Variants in TLE3 observed in about 807,000 individuals in gnomAD.
TLE3 encodes the protein TLE family member 3, transcriptional corepressor, also known as transducin-like enhancer protein 3.
In TLE3, 14 loss-of-function variants were observed where a neutral mutation model predicts 93.0. The ratio of observed to expected loss-of-function variants is 0.15; its 90% CI spans 0.10 to 0.24. The LOEUF is 0.24. Ranked by LOEUF, TLE3 falls within the 10% of genes least tolerant of loss-of-function variation. The pLI, the probability that TLE3 is intolerant of heterozygous loss-of-function variation, is 1.00. For missense variants in TLE3, 693 were observed against 1,046.6 expected (o/e 0.66, Z 4.66); for synonymous variants, 451 against 425.0 (o/e 1.06, Z -0.75).
intron 4 of TLE3, among the ~76,000 whole-genome samples, chr15:70,089,051 G>A (rs2058175183): frequency 6.6e-6 from 1 of 152,234 alleles, no homozygotes; most frequent in Admixed American, 6.5e-5. Context: ...CCCAAGTGCA[G>A]TCCCCGCCCC....
chr15:70,055,822 G>C (rs1211872044), intron 14 of TLE3: 1 of 234,390 alleles, frequency 4.3e-6, no homozygotes, highest in African/African-American at 2.3e-5. Context: ...GCAGTGTCTC[G>C]GCATTATCTG....
chr15:70,069,518 G>GA (rs1404726634), intron 6 of TLE3, among the ~76,000 whole-genome samples: 36 of 152,208 alleles, frequency 2.4e-4, no homozygotes, highest in Non-Finnish European at 5.1e-4. Flanking sequence ...AAGAGAAAAG[G>GA]AATCTCCCAT....
chr15:70,054,302 G>A, intron 16 of TLE3, 136 bp downstream of exon 16: 1 of 1,296,812 alleles, frequency 7.7e-7, no homozygotes, highest in Non-Finnish European at 1.1e-6. Context: ...CTTTTCACCT[G>A]TGCATCCCTC....
At chr15:70,063,768 C>T (rs2056646138) in intron 8 of TLE3, among the ~76,000 whole-genome samples, 2 of 152,222 alleles carry the variant, frequency 1.3e-5, no homozygotes, top group Non-Finnish European at 2.9e-5. Flanking sequence ...TCAGTGTGAT[C>T]AGAAAGATTT....
intron 12 of TLE3, 48 bp from the exon 13 acceptor site, chr15:70,057,706 A>C (rs1227019012): frequency 6.5e-7 from 1 of 1,533,814 alleles, no homozygotes. Context: ...GGATTGGGAC[A>C]TGGCCATGGC....
intron 7 of TLE3, among the ~76,000 whole-genome samples, chr15:70,064,926 A>G (rs2056722691): frequency 6.7e-6 from 1 of 149,758 alleles, no homozygotes; most frequent in Admixed American, 6.6e-5. Flanking sequence ...AAAAAAAAGG[A>G]ATTTAACAGT....
intron 3 of TLE3, chr15:70,095,253 A>C (rs1596041542): frequency 8.2e-7 from 1 of 1,220,916 alleles, no homozygotes. Flanking sequence ...GTCCAATCCT[A>C]TCTTACTAGC....
chr15:70,049,912 A>G lies in TLE3; in HGVS notation c.*185T>C. 1.7e-6 allele frequency: 1 copy of G among 578,010 alleles called. No individual in the cohort carries two copies. The highest frequency in any genetic ancestry group is 2.0e-5 in the South Asian group (1 of 49,902). 35.8% of individuals were successfully genotyped at this position (578,010 alleles called of 1,614,324 possible). The stretch of plus-strand genomic sequence containing the variant: ...CCTTCCGAGTCTGTGAGACACATCA[A>G]TCCAGGCCCAGGAGTCCAGACTGTG... On this transcript the variant is annotated 3_prime_UTR_variant, in exon 20 of 20. Coordinates refer to ENST00000451782, the MANE Select transcript of TLE3 (RefSeq NM_001105192.3).
intron 4 of TLE3, among the ~76,000 whole-genome samples, chr15:70,084,278 A>T (rs2057936777): frequency 6.6e-6 from 1 of 152,256 alleles, no homozygotes; most frequent in Admixed American, 6.5e-5. Context: ...GATTCTGGCA[A>T]TGTCTAGAGA....
chr15:70,064,390 C>T (rs2056683834), intron 8 of TLE3, 64 bp downstream of exon 8: 13 of 1,600,708 alleles, frequency 8.1e-6, no homozygotes, highest in Non-Finnish European at 1.1e-5. Flanking sequence ...ATTCTGGGAG[C>T]CCCGAGTCCC....
At chr15:70,052,577 G>T (rs112866987) in intron 17 of TLE3, 53 bp from the exon 18 acceptor site, 4 of 1,566,924 alleles carry the variant, frequency 2.6e-6, no homozygotes, top group African/African-American at 1.3e-5. Context: ...CTGCCCTCAA[G>T]AGGAGGGCGG....
intron 4 of TLE3, among the ~76,000 whole-genome samples, chr15:70,080,498 C>T (rs1024611266): frequency 2.0e-5 from 3 of 152,104 alleles, no homozygotes; most frequent in African/African-American, 7.2e-5. Context: ...CTGCTACATC[C>T]GGAATCTGCA....
intron 12 of TLE3, 185 bp from the exon 13 acceptor site, chr15:70,057,843 C>T (rs1432857561): frequency 6.5e-6 from 5 of 774,794 alleles, no homozygotes; most frequent in African/African-American, 5.3e-5. Flanking sequence ...TTGGCAGATG[C>T]ACCCACCTCT....
chr15:70,087,729 T>C (rs774232522), intron 4 of TLE3, among the ~76,000 whole-genome samples: 7 of 152,226 alleles, frequency 4.6e-5, no homozygotes, highest in African/African-American at 2.4e-5. Context: ...GATGGGAAGT[T>C]GCTTCTCTCT....
chr15:70,059,593 A>C, intron 9 of TLE3, 133 bp from the exon 10 acceptor site: 1 of 793,716 alleles, frequency 1.3e-6, no homozygotes, highest in Non-Finnish European at 2.0e-6. Flanking sequence ...CATGCTTTCT[A>C]CTCCAGCCCT....
chr15:70,057,475 A>G lies in TLE3; in HGVS notation c.1235T>C (p.Met412Thr), dbSNP rs769618421. Reference sequence around the variant, plus strand: ...TCTACGTACAGCTCCAAAGCTCACCATTGGCGATCGGCCATAGGCAGCGGC... The same window carrying G: ...TCTACGTACAGCTCCAAAGCTCACCGTTGGCGATCGGCCATAGGCAGCGGC... ...AAAAAYGRSPMVSFGAVGFDP... is the reference protein window; with the variant it reads ...AAAAAYGRSPTVSFGAVGFDP... Residue 412 changes from methionine to threonine, a missense_variant, in exon 13 of 20, where the codon ATG becomes ACG. Coordinates refer to ENST00000451782, the MANE Select transcript of TLE3 (RefSeq NM_001105192.3). 5.3e-5 allele frequency: 85 copies of G among 1,605,246 alleles called. No individual in the cohort carries two copies. The highest frequency in any genetic ancestry group is 6.7e-5 in the Non-Finnish European group (79 of 1,176,110).
chr15:70,068,589 G>A (rs1229492287), intron 6 of TLE3, among the ~76,000 whole-genome samples: 1 of 152,228 alleles, frequency 6.6e-6, no homozygotes, highest in Non-Finnish European at 1.5e-5. Context: ...CCTTGAGGAA[G>A]AGACAAAGAA....
intron 1 of TLE3, 151 bp downstream of exon 1, chr15:70,096,624 G>T: frequency 2.6e-6 from 4 of 1,544,834 alleles, no homozygotes; most frequent in Non-Finnish European, 2.6e-6. Flanking sequence ...TCTCAACGGC[G>T]CCCCCCGGCC....
At chr15:70,086,159 T>C (rs2058027909) in intron 4 of TLE3, among the ~76,000 whole-genome samples, 1 of 152,182 alleles carries the variant, frequency 6.6e-6, no homozygotes, top group Admixed American at 6.5e-5. Flanking sequence ...TACTTCTTCC[T>C]GGACAGAGGC....
Sources: gnomAD v4.1 joint callset for allele counts (sites outside exome capture counted in the v4.1 genomes callset) on GRCh38, gnomAD v4.1.1 for gene constraint, MANE v1.5 for transcripts, NCBI Gene and HGNC (gene_info 2026-07-23, HGNC 2026-07-21) for gene names.